Variants in ZNF737 observed in about 807,000 individuals in gnomAD.
The protein encoded by ZNF737 is zinc finger protein 102 (Y3).
ZNF737 carries 13 observed loss-of-function variants against 11.7 expected under a neutral mutation model. The ratio of observed to expected loss-of-function variants is 1.11; its 90% CI spans 0.73 to 1.77. The LOEUF (loss-of-function observed/expected upper bound fraction) is 1.77. ZNF737 is among the 40% of genes most tolerant of loss of function. The pLI is 0.00. For missense variants in ZNF737, 636 were observed against 638.0 expected (o/e 1.00, Z 0.03); for synonymous variants, 217 against 216.2 (o/e 1.00, Z -0.03).
At chr19:20,562,098 CTCTTT>C (rs1193263717) in intron 1 of ZNF737, among the ~76,000 whole-genome samples, 6 of 152,102 alleles carry the variant, frequency 3.9e-5, no homozygotes, top group Admixed American at 6.6e-5. Flanking sequence ...ACTTAGTGCT[CTCTTT>C]TCTTATCTAT....
In ZNF737 at chr19:20,542,264, T is replaced by G. The variant is rs2144597546; in HGVS notation, c.*2328A>C. 2 of 908,568 alleles carry G rather than the reference T, an allele frequency of 2.2e-6. No individual in the cohort carries two copies. The highest frequency in any genetic ancestry group is 2.6e-6 in the Non-Finnish European group (2 of 760,212). The allele number at this position is 908,568 out of a possible 1,614,324, so 56.3% of individuals were successfully genotyped here. Reference sequence around the variant, plus strand: ...TTTTTTTGAGACAGAGTTTTGCTCTTGTTGCCCAGACTGGAGTGCAATCGC... The same window carrying G: ...TTTTTTTGAGACAGAGTTTTGCTCTGGTTGCCCAGACTGGAGTGCAATCGC... On this transcript the variant is annotated 3_prime_UTR_variant, in exon 4 of 4. Transcript: ENST00000427401.
Position 20,543,449 on chromosome 19 carries a change from G to A in ZNF737, c.*1143C>T, listed in dbSNP as rs1025514581. 6.1e-6 allele frequency: 6 copies of A among 985,574 alleles called. No individual in the cohort carries two copies. Among genetic ancestry groups the A allele is most frequent in the Non-Finnish European group, 7.2e-6 (6 of 829,502 alleles). 61.1% of individuals were successfully genotyped at this position (985,574 alleles called of 1,614,324 possible). The stretch of plus-strand genomic sequence containing the variant: ...CTTGCTGAAAGTTTTGACAGTAATT[G>A]CCATTTTAATGCTTTTATTAAAAGG... On this transcript the variant is annotated 3_prime_UTR_variant, in exon 4 of 4. Coordinates refer to ENST00000427401, the MANE Select transcript of ZNF737 (RefSeq NM_001159293.2).
chr19:20,541,316 A>G lies in ZNF737; in HGVS notation c.*3276T>C. 1 of 878,426 alleles carries G rather than the reference A, an allele frequency of 1.1e-6. No homozygotes were observed. The highest frequency in any genetic ancestry group is 1.3e-6 in the Non-Finnish European group (1 of 747,030). 54.4% of individuals were successfully genotyped at this position (878,426 alleles called of 1,614,324 possible). A position where few individuals can be genotyped will look rare whatever the true frequency, so the allele number is the denominator to read the frequency against. ...ACACCTCAGGTTTATCTTCAGAGTA[A>G]TATGTGTATATTTAACTCTATGTAA... is the stretch of plus-strand genomic sequence containing the variant. On this transcript the variant is annotated 3_prime_UTR_variant, in exon 4 of 4. Transcript: ENST00000427401.
Position 20,542,334 on chromosome 19 carries a change from T to C in ZNF737, c.*2258A>G. 2.4e-6 allele frequency: 1 copy of C among 410,398 alleles called. No individual in the cohort carries two copies. Among genetic ancestry groups the C allele is most frequent in the Non-Finnish European group, 3.3e-6 (1 of 304,928 alleles). 25.4% of individuals were successfully genotyped at this position (410,398 alleles called of 1,614,324 possible). A position where few individuals can be genotyped will look rare whatever the true frequency, so the allele number is the denominator to read the frequency against. On this transcript the variant is annotated 3_prime_UTR_variant, in exon 4 of 4. Transcript: ENST00000427401. ...ACCTCTGCCTCCCAGGTTCAAGTGT[T>C]TCTCCTGCCTCAGCCTCCTGAGTAG...
chr19:20,562,332 C>T (rs1410586540), intron 1 of ZNF737, among the ~76,000 whole-genome samples: 2 of 137,888 alleles, frequency 1.5e-5, no homozygotes, highest in African/African-American at 5.4e-5. Context: ...CACCAACACA[C>T]CTGGCTAATT....
At position 20,545,837 on chromosome 19, in the gene ZNF737, C is replaced by T. The variant is rs1555756909; in HGVS notation, c.366G>A (p.Glu122=). The T allele has an allele frequency of 3.7e-6, 6 of 1,613,444 alleles. No homozygotes were observed. Among genetic ancestry groups the T allele is most frequent in the Non-Finnish European group, 5.1e-6 (6 of 1,179,842 alleles). Residue 122 remains glutamate (E), a synonymous_variant, in exon 4 of 4, where the codon GAG becomes GAA. Transcript: ENST00000427401. ...TATAACCTCTTTTGTGCACCTTACACTCATCTACACTTTCACAGCCCTTTT... is the reference window on the plus strand; with the variant it reads ...TATAACCTCTTTTGTGCACCTTACATTCATCTACACTTTCACAGCCCTTTT... ...QFKKGCESVD[E]CKVHKRGYNG... is the part of the protein sequence containing the mutation.
downstream of ZNF737, among the ~76,000 whole-genome samples, chr19:20,530,919 G>A (rs1465852776): frequency 6.7e-6 from 1 of 148,742 alleles, no homozygotes; most frequent in East Asian, 2.1e-4. Flanking sequence ...TCACACCACT[G>A]CACTCCAGCC....
chr19:20,549,929 CAAAA>C (rs58715059), intron 3 of ZNF737, among the ~76,000 whole-genome samples: 6 of 113,492 alleles, frequency 5.3e-5, no homozygotes, highest in Admixed American at 1.8e-4. Flanking sequence ...GACTCCATCT[CAAAA>C]AAAAAAAAAA....
chr19:20,548,939 G>A (rs1016039031), intron 3 of ZNF737, among the ~76,000 whole-genome samples: 2 of 112,548 alleles, frequency 1.8e-5, no homozygotes, highest in Non-Finnish European at 3.4e-5. Flanking sequence ...GTGTTTTTAA[G>A]CAATTTTTTT....
chr19:20,543,364 C>T lies in ZNF737; in HGVS notation c.*1228G>A. The T allele has an allele frequency of 1.0e-6, 1 of 986,490 alleles. No homozygotes were observed. Among genetic ancestry groups the T allele is most frequent in the Non-Finnish European group, 1.2e-6 (1 of 829,746 alleles). The allele number at this position is 986,490 out of a possible 1,614,324, so 61.1% of individuals were successfully genotyped here. On this transcript the variant is annotated 3_prime_UTR_variant, in exon 4 of 4. Coordinates refer to ENST00000427401, the MANE Select transcript of ZNF737 (RefSeq NM_001159293.2). ...ACTAGTAAATGTACTATGTAACTCC[C>T]TTTATATTTGTAATGCTTGTCTTCA...
downstream of ZNF737, among the ~76,000 whole-genome samples, chr19:20,532,122 C>A (rs1195569957): frequency 2.0e-5 from 3 of 150,104 alleles, 1 homozygote; most frequent in African/African-American, 7.4e-5. Flanking sequence ...TATTTCAGCA[C>A]TCTGCATGTC....
At chr19:20,531,282 G>C (rs1427971953), downstream of ZNF737, among the ~76,000 whole-genome samples, 2 of 144,892 alleles carry the variant, frequency 1.4e-5, no homozygotes, top group African/African-American at 5.1e-5. Flanking sequence ...GAGGGGAGGG[G>C]AGCCGGAGTC....
In ZNF737 at chr19:20,559,571, A is replaced by G. The variant is rs570119538; in HGVS notation, c.4-5736T>C. ...TCACTTCACACCAGTCAGAATGGCT[A>G]TTTTCAAAAAGTCAAAAAATAATAG... On this transcript the variant is annotated intron_variant, in intron 1 of 3. Coordinates refer to ENST00000427401, the MANE Select transcript of ZNF737 (RefSeq NM_001159293.2). Among the ~76,000 whole-genome samples the G allele has an allele frequency of 4.6e-5, 7 of 152,320 alleles. No individual in the cohort carries two copies. In the East Asian group the frequency reaches 1.2e-3, roughly 25 times the overall value.
chr19:20,538,654 G>C lies in ZNF737; in HGVS notation c.*5938C>G. Reference sequence around the variant, plus strand: ...AACAAACATTTCTAAAACCATTATGGACCCTGAGTAATTCAGGGGGAATTG... The same window carrying C: ...AACAAACATTTCTAAAACCATTATGCACCCTGAGTAATTCAGGGGGAATTG... On this transcript the variant is annotated 3_prime_UTR_variant, in exon 4 of 4. Coordinates refer to ENST00000427401, the MANE Select transcript of ZNF737 (RefSeq NM_001159293.2). 8.1e-6 allele frequency: 8 copies of C among 984,492 alleles called. No homozygotes were observed. Among genetic ancestry groups the C allele is most frequent in the Non-Finnish European group, 9.6e-6 (8 of 829,120 alleles). The allele number at this position is 984,492 out of a possible 1,614,324, so 61.0% of individuals were successfully genotyped here.
intron 1 of ZNF737, among the ~76,000 whole-genome samples, chr19:20,555,262 A>G (rs1555760572): frequency 6.6e-6 from 1 of 151,496 alleles, no homozygotes; most frequent in Admixed American, 6.6e-5. Flanking sequence ...GGCTCACTGC[A>G]ACCTCTGCTT....
rs781990499 is a variant in ZNF737, at chr19:20,544,881, G to T, written c.1322C>A (p.Thr441Asn). The change falls in exon 4 of 4, where the codon ACT becomes AAT. Residue 441 changes from threonine to asparagine, a missense_variant. Coordinates refer to ENST00000427401, the MANE Select transcript of ZNF737 (RefSeq NM_001159293.2). ...TCCAGTATGAATTCTCTTATGTGTA[G>T]TAAGGATAGAGAAGCACTTAAAGGC... is the stretch of plus-strand genomic sequence containing the variant. ...GKAFKCFSIL[T>N]THKRIHTGEK... is the part of the protein sequence containing the mutation. 12 of 1,613,600 alleles carry T rather than the reference G, an allele frequency of 7.4e-6. No individual in the cohort carries two copies. Among genetic ancestry groups the T allele is most frequent in the African/African-American group, 1.3e-5 (1 of 74,866 alleles).
chr19:20,564,658 A>AC, intron 1 of ZNF737, among the ~76,000 whole-genome samples: 1 of 152,116 alleles, frequency 6.6e-6, no homozygotes, highest in East Asian at 1.9e-4. Flanking sequence ...CTCAAAAAAA[A>AC]AAAAATAAAA....
intron 1 of ZNF737, among the ~76,000 whole-genome samples, chr19:20,557,957 C>T (rs538822470): frequency 3.9e-5 from 6 of 151,926 alleles, no homozygotes; most frequent in Non-Finnish European, 8.8e-5. Flanking sequence ...GTACATGTAG[C>T]AAGGTAAAAG....
rs1968328080 is a variant in ZNF737 at position 20,544,058 on chromosome 19, G to A, written c.*534C>T. 2.4e-6 allele frequency: 2 copies of A among 827,332 alleles called. No individual in the cohort carries two copies. Among genetic ancestry groups the A allele is most frequent in the South Asian group, 5.4e-5 (1 of 18,350 alleles). The allele number at this position is 827,332 out of a possible 1,614,324, so 51.2% of individuals were successfully genotyped here. The stretch of plus-strand genomic sequence containing the variant: ...TAGGAGAATGGCTTAAACCCAGGAG[G>A]CAGAGGTTGCAGTGAGCCGAGATCA... On this transcript the variant is annotated 3_prime_UTR_variant, in exon 4 of 4. Transcript: ENST00000427401.
Sources: gnomAD v4.1 joint callset for allele counts (sites outside exome capture counted in the v4.1 genomes callset) on GRCh38, gnomAD v4.1.1 for gene constraint, MANE v1.5 for transcripts, NCBI Gene and HGNC (gene_info 2026-07-23, HGNC 2026-07-21) for gene names.